Variants in IKBIP observed in about 807,000 individuals in gnomAD.
IKBIP encodes IKBKB interacting protein.
IKBIP carries 28 observed loss-of-function variants against 31.0 expected under a neutral mutation model. That is an observed-to-expected ratio of 0.90 (90% CI 0.67 to 1.24). IKBIP has a LOEUF of 1.24. Ranked by LOEUF, IKBIP falls within the 50% of genes most tolerant of loss-of-function variation. The probability of loss-of-function intolerance (pLI) is 0.00; values close to 1 mark genes in which losing one functional copy is unlikely to be tolerated. For missense variants in IKBIP, 453 were observed against 441.9 expected, an observed-to-expected ratio of 1.03 and a Z score of -0.23; for synonymous variants, 164 against 160.3, an observed-to-expected ratio of 1.02 and a Z score of -0.17.
intron 2 of IKBIP, among the ~76,000 whole-genome samples, chr12:98,632,179 G>T (rs1047729786): frequency 1.7e-4 from 26 of 151,918 alleles, no homozygotes; most frequent in Admixed American, 5.3e-4. Flanking sequence ...TTAAATATGT[G>T]AAGTTTTGGC....
intron 2 of IKBIP, among the ~76,000 whole-genome samples, chr12:98,627,199 C>CCGTCTTTA (rs2097615335): frequency 6.6e-6 from 1 of 151,600 alleles, no homozygotes; most frequent in South Asian, 2.1e-4. Context: ...GAACTGTTGA[C>CCGTCTTTA]CTTTAGTGAT....
chr12:98,613,745 A>T, exon 3 of IKBIP: 1 of 1,612,678 alleles, frequency 6.2e-7, no homozygotes, highest in Non-Finnish European at 8.5e-7. Context: ...TAAATCATTT[A>T]CTAATGGTTC....
At chr12:98,623,560 C>A (rs2097611710), downstream of IKBIP, among the ~76,000 whole-genome samples, 2 of 64,206 alleles carry the variant, frequency 3.1e-5, no homozygotes, top group South Asian at 5.9e-4. Flanking sequence ...CCTCCTTACA[C>A]TTTTTTTTTT....
intron 2 of IKBIP, among the ~76,000 whole-genome samples, chr12:98,632,512 AATATATATATATATATATATAT>A (rs71436924): frequency 7.9e-4 from 18 of 22,796 alleles, no homozygotes; most frequent in East Asian, 8.5e-3. Context: ...AAAAAAAAAA[AATATATATATATATATATATAT>A]ATATATATAT....
intron 2 of IKBIP, among the ~76,000 whole-genome samples, chr12:98,632,860 C>G (rs1482201010): frequency 6.6e-6 from 1 of 151,876 alleles, no homozygotes; most frequent in Non-Finnish European, 1.5e-5. Context: ...CTCCTGACCT[C>G]AAGGTGATCC....
chr12:98,637,772 A>G (rs973516472), intron 1 of IKBIP, among the ~76,000 whole-genome samples: 1 of 151,598 alleles, frequency 6.6e-6, no homozygotes, highest in Admixed American at 6.6e-5. Flanking sequence ...GTGCAGTGGC[A>G]TGATCTTGGC....
At chr12:98,641,870 G>T (rs537253142) in intron 1 of IKBIP, among the ~76,000 whole-genome samples, 2 of 152,122 alleles carry the variant, frequency 1.3e-5, no homozygotes, top group Non-Finnish European at 2.9e-5. Flanking sequence ...TCCCAGGCTG[G>T]TTTCAAACTC....
intron 2 of IKBIP, among the ~76,000 whole-genome samples, chr12:98,631,604 C>G (rs1191779165): frequency 6.7e-6 from 1 of 150,290 alleles, no homozygotes; most frequent in Non-Finnish European, 1.5e-5. Context: ...GAAACCCCGT[C>G]TCTACCAAAA....
intron 2 of IKBIP, among the ~76,000 whole-genome samples, chr12:98,630,555 ATG>A (rs1487380467): frequency 6.6e-6 from 1 of 152,122 alleles, no homozygotes; most frequent in Non-Finnish European, 1.5e-5. Flanking sequence ...CGTTGTTTCG[ATG>A]TCCTTTCATT....
At chr12:98,626,826 C>T (rs1324247353) in intron 2 of IKBIP, 60 bp from the exon 3 acceptor site, 2 of 1,330,154 alleles carry the variant, frequency 1.5e-6, no homozygotes, top group African/African-American at 1.5e-5. Flanking sequence ...ATTAGAGAAA[C>T]ACACTTTAAC....
In IKBIP at chr12:98,626,781, C is replaced by G; in HGVS notation, c.298-15G>C. On this transcript the variant is annotated splice_polypyrimidine_tract_variant and intron_variant, in intron 2 of 2. Transcript: ENST00000299157. ...GTAGACTCAAGCTGCATTTATAACA[C>G]AAAACAATTCCCAAGGCTACTTAAT... 1.3e-6 allele frequency: 2 copies of G among 1,559,408 alleles called. No individual in the cohort carries two copies. The highest frequency in any genetic ancestry group is 2.4e-5 in the South Asian group (2 of 83,642).
chr12:98,624,855 A>C lies in IKBIP; in HGVS notation c.*1075T>G. 3.4e-6 allele frequency: 2 copies of C among 580,210 alleles called. No individual in the cohort carries two copies. Among genetic ancestry groups the C allele is most frequent in the Non-Finnish European group, 4.3e-6 (2 of 460,198 alleles). The allele number at this position is 580,210 out of a possible 1,614,324, so 35.9% of individuals were successfully genotyped here. ...AGTCTCACTTTGCCACTCAGGCTGG[A>C]GTGCAGTGGCGCGATCTCGGCTCAC... On this transcript the variant is annotated 3_prime_UTR_variant, in exon 3 of 3. Transcript: ENST00000299157.
Position 98,625,852 on chromosome 12 carries a change from G to A in IKBIP, c.*78C>T, listed in dbSNP as rs17028572. ...CCAATAATGTAGGATAAGATGAGGC[G>A]TATCAAAGTAACTCAAAATCAATGG... On this transcript the variant is annotated 3_prime_UTR_variant, in exon 3 of 3. Transcript: ENST00000299157. 0.082 allele frequency: 96,134 copies of A among 1,173,004 alleles called. 4,499 individuals carry two copies. The highest frequency in any genetic ancestry group is 0.19 in the East Asian group (6,935 of 36,100). 72.7% of individuals were successfully genotyped at this position (1,173,004 alleles called of 1,614,324 possible). A position where few individuals can be genotyped will look rare whatever the true frequency, so the allele number is the denominator to read the frequency against.
At chr12:98,643,889 C>A (rs1416150053) in intron 1 of IKBIP, among the ~76,000 whole-genome samples, 5 of 148,084 alleles carry the variant, frequency 3.4e-5, no homozygotes, top group Non-Finnish European at 7.4e-5. Context: ...GATCTTGGCT[C>A]ATAGCAACCT....
chr12:98,638,684 A>C (rs1000170618), intron 1 of IKBIP, among the ~76,000 whole-genome samples: 1 of 152,178 alleles, frequency 6.6e-6, no homozygotes, highest in Non-Finnish European at 1.5e-5. Context: ...TCCTGGGCTC[A>C]AGTGATTCTC....
At chr12:98,613,533 A>G in exon 3 of IKBIP, 2 of 874,238 alleles carry the variant, frequency 2.3e-6, no homozygotes, top group Non-Finnish European at 3.4e-6. Context: ...CAGTCTTCTC[A>G]TGAGAGGTCC....
chr12:98,628,766 G>C (rs961437917), intron 2 of IKBIP, among the ~76,000 whole-genome samples: 2 of 152,160 alleles, frequency 1.3e-5, no homozygotes, highest in African/African-American at 4.8e-5. Flanking sequence ...ATATTCTAGA[G>C]TCCCAACAAG....
At chr12:98,634,477 G>A (rs1446078322) in intron 1 of IKBIP, 64 bp from the exon 2 acceptor site, 7 of 802,964 alleles carry the variant, frequency 8.7e-6, no homozygotes, top group African/African-American at 8.7e-5. Context: ...AATTTCAAAG[G>A]AGAATTATAC....
chr12:98,615,331 C>T (rs1171874603), intron 2 of IKBIP, among the ~76,000 whole-genome samples: 1 of 152,120 alleles, frequency 6.6e-6, no homozygotes, highest in African/African-American at 2.4e-5. Context: ...CTCCTGGGTT[C>T]AAGTGATTCT....
Sources: allele counts gnomAD v4.1 joint callset (sites outside exome capture counted in the v4.1 genomes callset), GRCh38; gene constraint gnomAD v4.1.1; transcripts MANE v1.5; gene names NCBI Gene and HGNC (gene_info 2026-07-23, HGNC 2026-07-21).